The following IMPG2 variants were observed in gnomAD, a reference collection of about 807,000 sequenced individuals.
IMPG2 encodes IPM 200.
In IMPG2, 91 loss-of-function variants were observed where a neutral mutation model predicts 129.2. The ratio of observed to expected loss-of-function variants is 0.70; its 90% CI spans 0.59 to 0.84. The LOEUF is 0.84. Among genes scored for constraint, IMPG2 ranks in the 40% least tolerant of loss-of-function variants. The probability of loss-of-function intolerance (pLI) is 0.00; values close to 1 mark genes in which losing one functional copy is unlikely to be tolerated. For synonymous variants in IMPG2, 510 were observed against 517.7 expected (o/e 0.99, Z 0.20); for missense variants, 1,430 against 1,461.7 (o/e 0.98, Z 0.35).
intron 2 of IMPG2, among the ~76,000 whole-genome samples, chr3:101,315,270 C>A (rs1164399834): frequency 2.0e-5 from 3 of 152,136 alleles, no homozygotes; most frequent in Non-Finnish European, 4.4e-5. Flanking sequence ...CTGTTTAGTA[C>A]CCTGAACACA....
chr3:101,312,154 C>T (rs79801512), intron 2 of IMPG2, among the ~76,000 whole-genome samples: 1 of 151,828 alleles, frequency 6.6e-6, no homozygotes, highest in Non-Finnish European at 1.5e-5. Context: ...AGTTATGACA[C>T]CAAAGGCTCA....
chr3:101,258,369 C>A (rs1232856833), intron 9 of IMPG2, among the ~76,000 whole-genome samples: 1 of 152,048 alleles, frequency 6.6e-6, no homozygotes, highest in African/African-American at 2.4e-5. Flanking sequence ...AGACAATTTA[C>A]AGTTCTATAA....
At chr3:101,253,589 T>C (rs577458098) in intron 11 of IMPG2, 107 bp downstream of exon 11, 30 of 779,800 alleles carry the variant, frequency 3.8e-5, no homozygotes, top group South Asian at 3.8e-4. Context: ...AAGAGAATAA[T>C]TGAAATGAGA....
At chr3:101,247,371 G>A (rs548532449) in intron 11 of IMPG2, among the ~76,000 whole-genome samples, 1 of 152,332 alleles carries the variant, frequency 6.6e-6, no homozygotes, top group Non-Finnish European at 1.5e-5. Context: ...GCTGATGCAG[G>A]CAGATAACCT....
At chr3:101,312,036 C>A (rs1042970635) in intron 2 of IMPG2, among the ~76,000 whole-genome samples, 7 of 150,102 alleles carry the variant, frequency 4.7e-5, no homozygotes, top group Admixed American at 4.6e-4. Context: ...AAAAAAAAAT[C>A]AACTCAAAAT....
chr3:101,300,148 G>A (rs1707124459), intron 3 of IMPG2, among the ~76,000 whole-genome samples: 1 of 152,236 alleles, frequency 6.6e-6, no homozygotes, highest in African/African-American at 2.4e-5. Context: ...GCAGGGACAT[G>A]TCAAGGTCCG....
chr3:101,288,862 C>A (rs932362365), intron 4 of IMPG2, among the ~76,000 whole-genome samples: 1 of 152,158 alleles, frequency 6.6e-6, no homozygotes, highest in Non-Finnish European at 1.5e-5. Context: ...TTCCCTCTCT[C>A]TATGTATGGG....
intron 4 of IMPG2, among the ~76,000 whole-genome samples, chr3:101,280,539 A>G (rs1706881797): frequency 6.6e-6 from 1 of 152,238 alleles, no homozygotes; most frequent in Non-Finnish European, 1.5e-5. Context: ...ATTAAATAAA[A>G]TATTATATGC....
At chr3:101,238,578 G>C (rs903065608) in intron 14 of IMPG2, among the ~76,000 whole-genome samples, 2 of 152,178 alleles carry the variant, frequency 1.3e-5, no homozygotes, top group African/African-American at 4.8e-5. Context: ...CATTGTTAAA[G>C]AAAATAATTT....
rs867462601 is a variant in IMPG2, at chr3:101,242,796, G to A, written c.2914C>T (p.Pro972Ser). ...TACACCGCATTGTTGACGTTAGGAG[G>A]GACAGAATTGGCAAACTTCATTCGA... The part of the protein sequence containing the change: ...NSRMKFANSV[P>S]PNVNNAVYMI... The change falls in exon 14 of 19, where the codon CCT becomes TCT. Residue 972 changes from proline to serine, a missense_variant. Transcript: ENST00000193391. 3.7e-6 allele frequency: 6 copies of A among 1,613,750 alleles called. No homozygotes were observed. The highest frequency in any genetic ancestry group is 2.7e-5 in the African/African-American group (2 of 74,892).
chr3:101,233,122 T>G (rs1036846892), intron 14 of IMPG2, 131 bp from the exon 15 acceptor site: 9 of 778,516 alleles, frequency 1.2e-5, no homozygotes, highest in Non-Finnish European at 2.0e-5. Context: ...AAGTACACCA[T>G]CGCCACCAAT....
At chr3:101,266,617 C>A (rs1318602915) in intron 9 of IMPG2, among the ~76,000 whole-genome samples, 1 of 152,114 alleles carries the variant, frequency 6.6e-6, no homozygotes, top group East Asian at 1.9e-4. Context: ...AATCTTGAGA[C>A]AGACCAAGCA....
Position 101,313,346 on chromosome 3 carries a change from A to G in IMPG2, c.334+6238T>C, listed in dbSNP as rs79139299. Among the ~76,000 whole-genome samples, 1,281 of 152,270 alleles carry G rather than the reference A, an allele frequency of 8.4e-3. 18 individuals are homozygous for G. Among genetic ancestry groups the G allele is most frequent in the Non-Finnish European group, 0.015 (1,010 of 67,980 alleles). ...CAGCATGACCTCCAGGCAAAGAGGT[A>G]CTAAGGAAGGTAAAATTCCATCACT... On this transcript the variant is annotated intron_variant, in intron 2 of 18. Transcript: ENST00000193391.
intron 11 of IMPG2, among the ~76,000 whole-genome samples, chr3:101,247,783 T>A (rs540410794): frequency 6.6e-6 from 1 of 152,294 alleles, no homozygotes; most frequent in South Asian, 2.1e-4. Flanking sequence ...TATTCCAGCC[T>A]GTGTTTCTAA....
chr3:101,305,820 T>C (rs1185727638), intron 2 of IMPG2, among the ~76,000 whole-genome samples: 2 of 152,198 alleles, frequency 1.3e-5, no homozygotes, highest in East Asian at 3.8e-4. Context: ...CTAAATAGTA[T>C]CTCTGTGCTT....
At chr3:101,265,608 CAT>C (rs1172809509) in intron 9 of IMPG2, among the ~76,000 whole-genome samples, 2 of 151,980 alleles carry the variant, frequency 1.3e-5, no homozygotes, top group Admixed American at 6.6e-5. Context: ...TAGAAGAAAA[CAT>C]TGGGGAAACA....
intron 9 of IMPG2, among the ~76,000 whole-genome samples, chr3:101,263,014 T>C (rs1035977507): frequency 6.6e-6 from 1 of 152,078 alleles, no homozygotes; most frequent in Admixed American, 6.6e-5. Flanking sequence ...ATTATAAATA[T>C]GCCTGCACCC....
intron 2 of IMPG2, among the ~76,000 whole-genome samples, chr3:101,310,656 T>C (rs901972861): frequency 6.6e-6 from 1 of 152,056 alleles, no homozygotes; most frequent in African/African-American, 2.4e-5. Flanking sequence ...AACTAAGCTG[T>C]GAGAATATGA....
At chr3:101,229,320 G>GGGGCCCCCCCCC in intron 17 of IMPG2, 60 bp downstream of exon 17, 2 of 519,340 alleles carry the variant, frequency 3.9e-6, no homozygotes, top group East Asian at 1.0e-4. Flanking sequence ...ACCACCCCCT[G>GGGGCCCCCCCCC]CTCCCCCACA....
Sources: gnomAD v4.1 joint callset for allele counts (sites outside exome capture counted in the v4.1 genomes callset) on GRCh38, gnomAD v4.1.1 for gene constraint, MANE v1.5 for transcripts, NCBI Gene and HGNC (gene_info 2026-07-23, HGNC 2026-07-21) for gene names.